ATP11B: variants seen among roughly 807,000 people sequenced by gnomAD.
The protein encoded by ATP11B is ATPase phospholipid transporting 11B (putative), also known as phospholipid-transporting ATPase IF.
In ATP11B, 81 loss-of-function variants were observed where a neutral mutation model predicts 157.8. The ratio of observed to expected loss-of-function variants is 0.51; its 90% confidence interval spans 0.43 to 0.62. The LOEUF (loss-of-function observed/expected upper bound fraction) is 0.62. Ranked by LOEUF, ATP11B falls within the 20% of genes least tolerant of loss-of-function variation. The pLI, the probability that ATP11B is intolerant of heterozygous loss-of-function variation, is 0.00. For missense variants in ATP11B, 1,165 were observed against 1,402.2 expected (o/e 0.83, Z 2.70); for synonymous variants, 451 against 469.4 (o/e 0.96, Z 0.51).
chr3:182,803,091 T>C (rs1560053201), intron 1 of ATP11B, among the ~76,000 whole-genome samples: 1 of 152,218 alleles, frequency 6.6e-6, no homozygotes, highest in Non-Finnish European at 1.5e-5. Flanking sequence ...TTTATTTATT[T>C]ATTTTGAAGT....
chr3:182,891,784 C>T (rs1177770221), intron 25 of ATP11B, among the ~76,000 whole-genome samples: 1 of 152,144 alleles, frequency 6.6e-6, no homozygotes, highest in Non-Finnish European at 1.5e-5. Flanking sequence ...AGCAAAGCAG[C>T]ACATGTTAGA....
In ATP11B at chr3:182,836,323, T is replaced by C. The variant is rs2108510760; in HGVS notation, c.424-19T>C. ...CTTTTAAAATTTATAAATTCACTCT[T>C]CCCCAAAATTCTTTATAGGTGGGTG... On this transcript the variant is annotated intron_variant, in intron 5 of 29. Coordinates refer to ENST00000323116, the MANE Select transcript of ATP11B (RefSeq NM_014616.3). The C allele has an allele frequency of 6.2e-7, 1 of 1,612,500 alleles. No individual in the cohort carries two copies.
intron 15 of ATP11B, among the ~76,000 whole-genome samples, chr3:182,867,919 C>G (rs1223994836): frequency 6.6e-6 from 1 of 152,134 alleles, no homozygotes; most frequent in Non-Finnish European, 1.5e-5. Flanking sequence ...AAATATGCAA[C>G]AGAGACCATG....
intron 25 of ATP11B, among the ~76,000 whole-genome samples, chr3:182,895,457 C>A (rs1327676163): frequency 6.6e-6 from 1 of 152,054 alleles, no homozygotes; most frequent in African/African-American, 2.4e-5. Flanking sequence ...TGCGATTTAT[C>A]CTCATTTTAC....
At position 182,918,539 on chromosome 3, in the gene ATP11B, C is replaced by CT. The variant is rs1725279148; in HGVS notation, c.*436dup. The CT allele has an allele frequency of 2.5e-6, 1 of 394,408 alleles. No individual in the cohort carries two copies. Among genetic ancestry groups the CT allele is most frequent in the African/African-American group, 2.1e-5 (1 of 48,470 alleles). The allele number at this position is 394,408 out of a possible 1,614,324, so 24.4% of individuals were successfully genotyped here. ...ATGCTGAAAGTTTGCCTTGAGAACT[C>CT]TATTTTTTTATTAGAGTTATATTTA... is the stretch of plus-strand genomic sequence containing the variant. On this transcript the variant is annotated 3_prime_UTR_variant, in exon 30 of 30. Transcript: ENST00000323116.
chr3:182,880,096 A>T (rs1722317189), intron 20 of ATP11B, among the ~76,000 whole-genome samples: 1 of 152,236 alleles, frequency 6.6e-6, no homozygotes, highest in African/African-American at 2.4e-5. Context: ...AAGCCAATTA[A>T]CTTGTAAAGC....
At position 182,867,417 on chromosome 3, in the gene ATP11B, A is replaced by C. The variant is rs1374674237; in HGVS notation, c.1661A>C (p.Glu554Ala). 2 of 1,610,636 alleles carry C rather than the reference A, an allele frequency of 1.2e-6. No homozygotes were observed. The highest frequency in any genetic ancestry group is 1.3e-5 in the African/African-American group (1 of 74,916). The change falls in exon 15 of 30, where the codon GAG (glutamate) becomes GCG (alanine). Residue 554 changes from glutamate to alanine, a missense_variant. Glu to Ala is a moderately radical substitution (Grantham distance 107). Coordinates refer to ENST00000323116, the MANE Select transcript of ATP11B (RefSeq NM_014616.3). ...VFIGNSEETM[E>A]VKTLGKLERY... Reference sequence around the variant, plus strand: ...ATTGGCAATTCTGAAGAAACTATGGAGGTTAAAACTCTTGGAAAACTGGAA... The same window carrying C: ...ATTGGCAATTCTGAAGAAACTATGGCGGTTAAAACTCTTGGAAAACTGGAA...
chr3:182,883,771 C>T (rs866632174), intron 21 of ATP11B, among the ~76,000 whole-genome samples: 15 of 149,958 alleles, frequency 1.0e-4, no homozygotes, highest in African/African-American at 2.9e-4. Flanking sequence ...CCGGCTAAAA[C>T]GGTGAAACCC....
chr3:182,848,894 T>C (rs1023412302), intron 10 of ATP11B, among the ~76,000 whole-genome samples: 5 of 151,842 alleles, frequency 3.3e-5, no homozygotes, highest in African/African-American at 7.3e-5. Context: ...CGAATAGAAA[T>C]GGGCAAGGAG....
intron 10 of ATP11B, among the ~76,000 whole-genome samples, chr3:182,850,699 G>A (rs1187469898): frequency 6.6e-6 from 1 of 152,008 alleles, no homozygotes; most frequent in Non-Finnish European, 1.5e-5. Context: ...AACTAAAAAC[G>A]TAATTACCAT....
At chr3:182,803,439 C>G (rs1004093418) in intron 1 of ATP11B, among the ~76,000 whole-genome samples, 1 of 152,072 alleles carries the variant, frequency 6.6e-6, no homozygotes, top group Non-Finnish European at 1.5e-5. Flanking sequence ...TAAATATCTT[C>G]TAGTCTGTTC....
At chr3:182,840,422 A>G (rs547944205) in intron 7 of ATP11B, among the ~76,000 whole-genome samples, 1 of 152,296 alleles carries the variant, frequency 6.6e-6, no homozygotes, top group African/African-American at 2.4e-5. Flanking sequence ...TCCTGGCTTT[A>G]AAGACTGTCT....
intron 28 of ATP11B, among the ~76,000 whole-genome samples, chr3:182,900,905 G>A (rs1414381531): frequency 1.3e-5 from 2 of 152,084 alleles, no homozygotes; most frequent in Admixed American, 1.3e-4. Flanking sequence ...AAATAGGCCA[G>A]GCATGGTGGC....
intron 1 of ATP11B, among the ~76,000 whole-genome samples, chr3:182,797,489 C>G (rs1473240602): frequency 2.0e-5 from 3 of 152,168 alleles, no homozygotes; most frequent in Non-Finnish European, 4.4e-5. Context: ...AGGCAGATCA[C>G]CTGAGGTCAG....
Position 182,872,396 on chromosome 3 carries a change from C to T in ATP11B, c.1907C>T (p.Thr636Ile), listed in dbSNP as rs1269419322. 2 of 1,613,178 alleles carry T rather than the reference C, an allele frequency of 1.2e-6. No individual in the cohort carries two copies. Among genetic ancestry groups the T allele is most frequent in the African/African-American group, 2.7e-5 (2 of 74,860 alleles). ...RTLCIAYRKF[T>I]SKEYEEIDKR... ...CTGTGTATAGCATATAGAAAATTTACATCAAAAGAGTATGAGGAAATAGAT... is the reference window on the plus strand; with the variant it reads ...CTGTGTATAGCATATAGAAAATTTATATCAAAAGAGTATGAGGAAATAGAT... The change falls in exon 18 of 30, where the codon ACA (threonine) becomes ATA (isoleucine). Residue 636 changes from threonine (T) to isoleucine (I), a missense_variant. Physicochemically the swap from Thr to Ile is moderately conservative, Grantham distance 89. This residue lies in a region of ATP11B where 737 missense variants were observed against 930.5 expected (regional missense o/e 0.79). Coordinates refer to ENST00000323116, the MANE Select transcript of ATP11B (RefSeq NM_014616.3).
rs185321594 is a variant in ATP11B, at chr3:182,794,764, A to G, written c.27+978A>G. On this transcript the variant is annotated intron_variant, in intron 1 of 29. Coordinates refer to ENST00000323116, the MANE Select transcript of ATP11B (RefSeq NM_014616.3). ...TTAGGACAGAAATTGCCCCTGGCTG[A>G]AGAAGCCTAACCTTATCTGTGTGAT... is the stretch of plus-strand genomic sequence containing the variant. 1.4e-4 allele frequency among the ~76,000 whole-genome samples: 22 copies of G among 152,354 alleles called. No individual in the cohort carries two copies. The East Asian group carries it at 3.7e-3, about 25-fold the overall frequency.
At chr3:182,823,072 C>T (rs1318877366) in intron 2 of ATP11B, among the ~76,000 whole-genome samples, 2 of 152,172 alleles carry the variant, frequency 1.3e-5, no homozygotes, top group Admixed American at 6.6e-5. Flanking sequence ...GTTGCCTGTT[C>T]ACTCTGATGG....
chr3:182,897,396 G>A lies in ATP11B; in HGVS notation c.3142G>A (p.Gly1048Arg). 6.4e-7 allele frequency: 1 copy of A among 1,557,180 alleles called. No homozygotes were observed. Among genetic ancestry groups the A allele is most frequent in the East Asian group, 2.3e-5 (1 of 43,210 alleles). ...TTTTGTATTTTCCTTGTTTTATGGA[G>A]GGATTCTCTGGTGAGTGAATATATT... ...FYFVFSLFYGGILWPFLGSQN... is the reference protein window; with the variant it reads ...FYFVFSLFYGRILWPFLGSQN... The change falls in exon 27 of 30, where the codon GGG becomes AGG. Residue 1048 changes from glycine to arginine, a missense_variant. Coordinates refer to ENST00000323116, the MANE Select transcript of ATP11B (RefSeq NM_014616.3).
intron 4 of ATP11B, among the ~76,000 whole-genome samples, chr3:182,831,587 T>TC (rs397790470): frequency 1.3e-5 from 2 of 151,602 alleles, no homozygotes; most frequent in Non-Finnish European, 2.9e-5. Flanking sequence ...TTTTTTTTTT[T>TC]AAACTCACTG....
Sources: allele counts gnomAD v4.1 joint callset (sites outside exome capture counted in the v4.1 genomes callset), GRCh38; gene constraint gnomAD v4.1.1; regional missense constraint gnomAD v4.1.1; transcripts MANE v1.5; gene names NCBI Gene and HGNC (gene_info 2026-07-23, HGNC 2026-07-21).